The following SDK1 variants were observed in gnomAD, a reference collection of about 807,000 sequenced individuals.
SDK1 encodes protein sidekick-1.
In SDK1, 157 loss-of-function variants were observed where a neutral mutation model predicts 245.5. The observed-to-expected ratio is 0.64, with a 90% CI of 0.56 to 0.73. The LOEUF is 0.73. SDK1 is among the 30% of genes least tolerant of loss of function. The pLI is 0.00. For missense variants in SDK1, 3,583 were observed against 3,002.3 expected, an observed-to-expected ratio of 1.19 and a Z score of -4.52; for synonymous variants, 1,647 against 1,278.5, an observed-to-expected ratio of 1.29 and a Z score of -6.15.
chr7:3,827,683 G>C (rs1463600058), intron 5 of SDK1, among the ~76,000 whole-genome samples: 1 of 152,166 alleles, frequency 6.6e-6, no homozygotes, highest in East Asian at 1.9e-4. Flanking sequence ...TAGCCCCTTT[G>C]CAGGTGCAGG....
intron 1 of SDK1, among the ~76,000 whole-genome samples, chr7:3,561,383 C>T (rs1779745452): frequency 6.6e-6 from 1 of 152,228 alleles, no homozygotes; most frequent in African/African-American, 2.4e-5. Context: ...AAGAAAGACA[C>T]TGTCTCCTCT....
At chr7:3,662,272 G>T (rs912031826) in intron 4 of SDK1, among the ~76,000 whole-genome samples, 6 of 152,132 alleles carry the variant, frequency 3.9e-5, no homozygotes, top group African/African-American at 1.4e-4. Context: ...ATGCAGGTTT[G>T]AAAGGTATCA....
At chr7:3,619,764 A>G (rs919035528) in intron 2 of SDK1, among the ~76,000 whole-genome samples, 2 of 152,198 alleles carry the variant, frequency 1.3e-5, no homozygotes, top group Non-Finnish European at 2.9e-5. Context: ...AAGTCCTGCC[A>G]TGTGCCCAGC....
chr7:3,947,178 C>T (rs879112820), intron 5 of SDK1, among the ~76,000 whole-genome samples: 6 of 152,140 alleles, frequency 3.9e-5, no homozygotes, highest in African/African-American at 9.7e-5. Flanking sequence ...CACACACACA[C>T]GCTTCTTTAT....
At chr7:3,580,378 C>G (rs1056326063) in intron 1 of SDK1, among the ~76,000 whole-genome samples, 1 of 152,150 alleles carries the variant, frequency 6.6e-6, no homozygotes, top group African/African-American at 2.4e-5. Context: ...CATCATGTTA[C>G]CTGACTTCAA....
intron 5 of SDK1, among the ~76,000 whole-genome samples, chr7:3,874,875 A>C (rs1781037666): frequency 6.6e-6 from 1 of 151,900 alleles, no homozygotes; most frequent in African/African-American, 2.4e-5. Flanking sequence ...GTCTCAGGAG[A>C]GTTTTGGCAG....
intron 44 of SDK1, 57 bp downstream of exon 44, chr7:4,245,862 G>C: frequency 6.3e-7 from 1 of 1,599,238 alleles, no homozygotes; most frequent in African/African-American, 1.3e-5. Flanking sequence ...TCTGCAGTGA[G>C]ACTTCTGCCC....
At chr7:3,551,976 C>T (rs547814048) in intron 1 of SDK1, among the ~76,000 whole-genome samples, 3 of 152,050 alleles carry the variant, frequency 2.0e-5, no homozygotes, top group Non-Finnish European at 2.9e-5. Context: ...AATACTATGG[C>T]CTGGGTCGTT....
At chr7:3,357,936 CAT>C (rs1780849959) in intron 1 of SDK1, among the ~76,000 whole-genome samples, 1 of 152,146 alleles carries the variant, frequency 6.6e-6, no homozygotes, top group African/African-American at 2.4e-5. Context: ...TATAGAGTAA[CAT>C]AAATGATGTA....
intron 1 of SDK1, among the ~76,000 whole-genome samples, chr7:3,616,103 G>C (rs571957565): frequency 3.3e-5 from 5 of 152,054 alleles, no homozygotes; most frequent in Non-Finnish European, 7.4e-5. Flanking sequence ...GTCCAAGCTG[G>C]TCTTGCACTC....
intron 1 of SDK1, among the ~76,000 whole-genome samples, chr7:3,528,867 T>C (rs569469727): frequency 6.6e-6 from 1 of 152,206 alleles, no homozygotes; most frequent in Non-Finnish European, 1.5e-5. Flanking sequence ...CCATTTGGGC[T>C]TTTTATGGGC....
chr7:3,644,512 C>T (rs1040723669), intron 4 of SDK1, among the ~76,000 whole-genome samples: 10 of 151,230 alleles, frequency 6.6e-5, no homozygotes, highest in African/African-American at 2.2e-4. Flanking sequence ...TTCCTGTAAT[C>T]TCGGCACTTT....
chr7:3,846,468 C>T (rs551269762), intron 5 of SDK1, among the ~76,000 whole-genome samples: 11 of 152,246 alleles, frequency 7.2e-5, no homozygotes, highest in African/African-American at 2.6e-4. Flanking sequence ...TCTTGGATCC[C>T]AGTGGAGGCT....
In SDK1 at chr7:4,113,259, C is replaced by T. The variant is rs374274539; in HGVS notation, c.3435-30C>T. On this transcript the variant is annotated intron_variant, in intron 23 of 44. Transcript: ENST00000404826. ...CTTTTCCTTCTTACCTTTGCTTTGC[C>T]GTGACTCTCATCAGTGGTTTTTCCT... The T allele has an allele frequency of 3.3e-4, 537 of 1,603,230 alleles. 1 individual carries two copies. The highest frequency in any genetic ancestry group is 4.1e-4 in the Non-Finnish European group (482 of 1,174,226).
intron 12 of SDK1, among the ~76,000 whole-genome samples, chr7:3,972,986 T>C (rs558425745): frequency 1.3e-5 from 2 of 152,248 alleles, no homozygotes; most frequent in African/African-American, 4.8e-5. Flanking sequence ...TGATTTGGAG[T>C]ATGACTTCAA....
chr7:3,919,437 C>T (rs116589584), intron 5 of SDK1, among the ~76,000 whole-genome samples: 108 of 152,336 alleles, frequency 7.1e-4, no homozygotes, highest in African/African-American at 2.4e-3. Context: ...GCCCTACACC[C>T]GTCAAGTGAC....
At chr7:3,736,367 A>G (rs934210150) in intron 4 of SDK1, among the ~76,000 whole-genome samples, 1 of 152,128 alleles carries the variant, frequency 6.6e-6, no homozygotes. Context: ...GTCTCGGCTC[A>G]CTGCGAGCTC....
intron 25 of SDK1, among the ~76,000 whole-genome samples, chr7:4,117,309 A>G (rs1003898686): frequency 2.6e-5 from 4 of 152,096 alleles, no homozygotes; most frequent in Non-Finnish European, 4.4e-5. Context: ...CTCTACAAAA[A>G]ATACAAAAAT....
intron 26 of SDK1, among the ~76,000 whole-genome samples, chr7:4,128,359 G>A (rs11763980): frequency 0.14 from 21,762 of 152,240 alleles, 2,827 homozygotes; most frequent in East Asian, 0.76. Flanking sequence ...TGGCAGTCCC[G>A]TTGAGGGGAT....
Sources: allele counts gnomAD v4.1 joint callset (sites outside exome capture counted in the v4.1 genomes callset), GRCh38; gene constraint gnomAD v4.1.1; transcripts MANE v1.5; gene names NCBI Gene and HGNC (gene_info 2026-07-23, HGNC 2026-07-21).